Variants in ROBO2 observed in about 807,000 individuals in gnomAD.
ROBO2 encodes the protein roundabout guidance receptor 2, also known as roundabout homolog 2.
A neutral mutation model predicts 160.8 loss-of-function variants in ROBO2; 53 were observed. That is an observed-to-expected ratio of 0.33 (90% CI 0.26 to 0.41). ROBO2 has a LOEUF of 0.41. Among genes scored for constraint, ROBO2 ranks in the 10% least tolerant of loss-of-function variants. The pLI is 1.00. For synonymous variants in ROBO2, 664 were observed against 611.7 expected (o/e 1.09, Z -1.26); for missense variants, 1,577 against 1,722.4 (o/e 0.92, Z 1.49).
intron 20 of ROBO2, chr3:77,603,017 C>G (rs2094463089): frequency 1.1e-5 from 5 of 456,692 alleles, no homozygotes; most frequent in Non-Finnish European, 2.2e-5. Flanking sequence ...ATTTCAGCAC[C>G]ACCAGCTCTC....
chr3:76,415,463 A>T (rs1214187585), intron 2 of ROBO2, among the ~76,000 whole-genome samples: 1 of 152,214 alleles, frequency 6.6e-6, no homozygotes, highest in Non-Finnish European at 1.5e-5. Flanking sequence ...ATTAGCAATC[A>T]TCATTCTTCT....
chr3:77,431,076 G>A (rs1237708028), intron 2 of ROBO2, among the ~76,000 whole-genome samples: 1 of 152,148 alleles, frequency 6.6e-6, no homozygotes, highest in Non-Finnish European at 1.5e-5. Flanking sequence ...AAACTTTTCA[G>A]CGTTAGAATC....
At chr3:77,474,712 G>A (rs1338124156) in intron 2 of ROBO2, among the ~76,000 whole-genome samples, 3 of 150,270 alleles carry the variant, frequency 2.0e-5, no homozygotes, top group African/African-American at 7.4e-5. Context: ...ATTTAAAATT[G>A]CTTTGCTATT....
chr3:77,416,911 T>C (rs1379179631), intron 2 of ROBO2, among the ~76,000 whole-genome samples: 2 of 152,048 alleles, frequency 1.3e-5, no homozygotes, highest in Non-Finnish European at 2.9e-5. Context: ...TTTGATTTCA[T>C]TTGTCAAGAT....
intron 2 of ROBO2, among the ~76,000 whole-genome samples, chr3:76,348,767 C>G (rs1162673524): frequency 6.6e-6 from 1 of 152,112 alleles, no homozygotes; most frequent in Non-Finnish European, 1.5e-5. Context: ...CTCAACTGTT[C>G]TTTTCAGCCA....
rs113030912 is a variant in ROBO2, at chr3:76,617,235, T to C, written c.110-480779T>C. Among the ~76,000 whole-genome samples, 1,402 of 151,878 alleles carry C rather than the reference T, an allele frequency of 9.2e-3. 24 individuals carry two copies. The highest frequency in any genetic ancestry group is 0.035 in the South Asian group (169 of 4,802). On this transcript the variant is annotated intron_variant, in intron 2 of 26. Coordinates refer to the ROBO2 transcript ENST00000487694. The stretch of plus-strand genomic sequence containing the variant: ...GAAAAGGGCCCATCCTTTCTTTAAA[T>C]GTGCAGGGTTTGACTAACCCAAGCC...
At chr3:77,147,631 G>A (rs1267393368) in intron 2 of ROBO2, among the ~76,000 whole-genome samples, 2 of 152,052 alleles carry the variant, frequency 1.3e-5, no homozygotes, top group African/African-American at 4.8e-5. Context: ...TTTTCCTGGT[G>A]TACTCTTTTA....
intron 2 of ROBO2, among the ~76,000 whole-genome samples, chr3:75,949,623 T>C (rs1948460741): frequency 6.6e-6 from 1 of 152,048 alleles, no homozygotes; most frequent in Admixed American, 6.6e-5. Context: ...AACATTAGTA[T>C]TGGTGCCCCT....
intron 2 of ROBO2, among the ~76,000 whole-genome samples, chr3:76,425,102 A>G (rs2108962294): frequency 6.6e-6 from 1 of 152,156 alleles, no homozygotes; most frequent in African/African-American, 2.4e-5. Context: ...ACCCAGCCAC[A>G]TGGAACTCCT....
At chr3:76,472,631 AT>A (rs1163445679) in intron 2 of ROBO2, among the ~76,000 whole-genome samples, 1 of 152,138 alleles carries the variant, frequency 6.6e-6, no homozygotes, top group Non-Finnish European at 1.5e-5. Flanking sequence ...TTAATCTTTA[AT>A]TTTTTACCCA....
intron 2 of ROBO2, among the ~76,000 whole-genome samples, chr3:77,293,115 G>A (rs2061520538): frequency 6.6e-6 from 1 of 151,422 alleles, no homozygotes; most frequent in Non-Finnish European, 1.5e-5. Context: ...GGTAAGCTGA[G>A]GCTAGATCAC....
intron 2 of ROBO2, among the ~76,000 whole-genome samples, chr3:76,663,592 A>G (rs1290340395): frequency 1.3e-5 from 2 of 152,212 alleles, no homozygotes; most frequent in Non-Finnish European, 2.9e-5. Context: ...ATGGCCGAAT[A>G]AATAAAGATA....
intron 2 of ROBO2, among the ~76,000 whole-genome samples, chr3:77,122,447 A>G (rs1481094853): frequency 6.6e-6 from 1 of 152,198 alleles, no homozygotes; most frequent in Non-Finnish European, 1.5e-5. Context: ...CCCGGCAAAG[A>G]GCTGAGGTTA....
chr3:77,065,619 C>T (rs1283147672), intron 1 of ROBO2, among the ~76,000 whole-genome samples: 2 of 152,108 alleles, frequency 1.3e-5, no homozygotes, highest in Admixed American at 6.5e-5. Context: ...TGATTAAATA[C>T]TTTGTTACCT....
chr3:77,442,236 C>T (rs983906084), intron 2 of ROBO2, among the ~76,000 whole-genome samples: 31 of 151,796 alleles, frequency 2.0e-4, no homozygotes, highest in African/African-American at 5.3e-4. Context: ...GGCGTGAACC[C>T]GGGAGGCAGA....
chr3:77,467,044 C>T (rs897833798), intron 2 of ROBO2, among the ~76,000 whole-genome samples: 1 of 152,150 alleles, frequency 6.6e-6, no homozygotes, highest in Non-Finnish European at 1.5e-5. Context: ...AAGCTAATAT[C>T]TTCAGATAAG....
chr3:76,442,330 C>T (rs2076960742), intron 2 of ROBO2, among the ~76,000 whole-genome samples: 2 of 152,166 alleles, frequency 1.3e-5, no homozygotes, highest in African/African-American at 2.4e-5. Context: ...AATCAGGATG[C>T]TCTCAAGGGT....
chr3:76,338,170 AAACTTTACATACCC>A (rs1277181375), intron 2 of ROBO2, among the ~76,000 whole-genome samples: 2 of 152,314 alleles, frequency 1.3e-5, no homozygotes, highest in Admixed American at 1.3e-4. Flanking sequence ...GCCTATTAGT[AAACTTTACATACCC>A]AACTTTACAT....
chr3:76,328,159 G>T (rs2073174357), intron 2 of ROBO2, among the ~76,000 whole-genome samples: 3 of 152,082 alleles, frequency 2.0e-5, no homozygotes, highest in Admixed American at 2.0e-4. Flanking sequence ...TATCTATCTT[G>T]GGACCATTAA....
Sources: gnomAD v4.1 joint callset for allele counts (sites outside exome capture counted in the v4.1 genomes callset) on GRCh38, gnomAD v4.1.1 for gene constraint, MANE v1.5 for transcripts, NCBI Gene and HGNC (gene_info 2026-07-23, HGNC 2026-07-21) for gene names.